FGF2: variants seen among roughly 807,000 people sequenced by gnomAD.
FGF2 encodes fibroblast growth factor 2.
FGF2 carries 13 observed loss-of-function variants against 15.9 expected under a neutral mutation model. The observed-to-expected ratio is 0.82, with a 90% CI of 0.53 to 1.30. The LOEUF (loss-of-function observed/expected upper bound fraction) is 1.30. Ranked by LOEUF, FGF2 falls within the 50% of genes most tolerant of loss-of-function variation. FGF2 has a pLI of 0.00. For synonymous variants in FGF2, 90 were observed against 78.4 expected (o/e 1.15, Z -0.78); for missense variants, 163 against 196.9 (o/e 0.83, Z 1.03).
rs1022966604 is a variant in FGF2, at chr4:122,892,464, G to C, written c.*68G>C. ...GTATATTTTAGAAATTTGTTAATGAGAGTAAAAGAAAATAAATGTGTATAG... is the reference window on the plus strand; with the variant it reads ...GTATATTTTAGAAATTTGTTAATGACAGTAAAAGAAAATAAATGTGTATAG... On this transcript the variant is annotated 3_prime_UTR_variant, in exon 3 of 3. Coordinates refer to ENST00000644866, the MANE Select transcript of FGF2 (RefSeq NM_001361665.2). The C allele has an allele frequency of 1.5e-5, 24 of 1,607,222 alleles. 1 individual carries two copies. Among genetic ancestry groups the C allele is most frequent in the Admixed American group, 5.0e-5 (3 of 59,536 alleles).
chr4:122,866,335 TC>T (rs1378881861), intron 1 of FGF2, among the ~76,000 whole-genome samples: 1 of 147,776 alleles, frequency 6.8e-6, no homozygotes, highest in Non-Finnish European at 1.5e-5. Flanking sequence ...GCCACTGCAC[TC>T]CCGCCTGGGT....
rs1178898359 is a variant in FGF2 at position 122,876,473 on chromosome 4, G to A, written c.282+49G>A. 3.6e-6 allele frequency: 4 copies of A among 1,109,562 alleles called. No homozygotes were observed. The South Asian group carries it at 5.0e-5, about 14-fold the overall frequency. The allele number at this position is 1,109,562 out of a possible 1,614,324, so 68.7% of individuals were successfully genotyped here. A position where few individuals can be genotyped will look rare whatever the true frequency, so the allele number is the denominator to read the frequency against. ...ACGTTTTTTGTTAGCTTTTATTGCT[G>A]TTAATTTACCAGCATTGTTGTTTAT... On this transcript the variant is annotated intron_variant, in intron 2 of 2. Transcript: ENST00000644866.
chr4:122,867,691 G>A (rs1726629550), intron 1 of FGF2, among the ~76,000 whole-genome samples: 1 of 152,132 alleles, frequency 6.6e-6, no homozygotes, highest in South Asian at 2.1e-4. Flanking sequence ...ATATTAGGAG[G>A]ATGAAGTCTT....
chr4:122,885,046 C>A (rs1727029737), intron 2 of FGF2, among the ~76,000 whole-genome samples: 1 of 152,152 alleles, frequency 6.6e-6, no homozygotes, highest in Non-Finnish European at 1.5e-5. Context: ...CTTCAGAGAT[C>A]CTCACAGATG....
intron 1 of FGF2, among the ~76,000 whole-genome samples, chr4:122,848,251 T>C (rs1283679279): frequency 1.1e-4 from 16 of 152,214 alleles, no homozygotes; most frequent in African/African-American, 3.4e-4. Flanking sequence ...AGTCTCCTTC[T>C]TCCATGGCTA....
chr4:122,877,544 C>G (rs1011676979), intron 2 of FGF2, among the ~76,000 whole-genome samples: 6 of 152,200 alleles, frequency 3.9e-5, no homozygotes, highest in Non-Finnish European at 5.9e-5. Flanking sequence ...GACTGCATAT[C>G]TGTTGAACAT....
At position 122,855,276 on chromosome 4, in the gene FGF2, T is replaced by A. The variant is rs376999418; in HGVS notation, c.179-21045T>A. Among the ~76,000 whole-genome samples, 34 of 152,234 alleles carry A rather than the reference T, an allele frequency of 2.2e-4. No homozygotes were observed. In the South Asian group the frequency reaches 5.4e-3, roughly 24 times the overall value. The stretch of plus-strand genomic sequence containing the variant: ...CCAAGAAAAGGCTATATTCAGGAGG[T>A]GTTCCATCTCTTGAGTATGTTGGAT... On this transcript the variant is annotated intron_variant, in intron 1 of 2. Transcript: ENST00000644866.
At chr4:122,834,154 T>C (rs1211501539) in intron 1 of FGF2, among the ~76,000 whole-genome samples, 3 of 152,160 alleles carry the variant, frequency 2.0e-5, no homozygotes, top group African/African-American at 7.2e-5. Context: ...ATCTCACAGA[T>C]TGATTCCCAA....
chr4:122,854,545 T>C (rs1726298694), intron 1 of FGF2, among the ~76,000 whole-genome samples: 2 of 152,232 alleles, frequency 1.3e-5, no homozygotes, highest in African/African-American at 4.8e-5. Flanking sequence ...TCCTGTTTTA[T>C]TCCTTTAAAT....
At chr4:122,836,730 A>C (rs148563970) in intron 1 of FGF2, among the ~76,000 whole-genome samples, 25 of 152,360 alleles carry the variant, frequency 1.6e-4, no homozygotes, top group African/African-American at 5.8e-4. Flanking sequence ...AAATAAGTAT[A>C]AATACTATAG....
At chr4:122,880,646 C>G (rs1191120781) in intron 2 of FGF2, among the ~76,000 whole-genome samples, 1 of 152,226 alleles carries the variant, frequency 6.6e-6, no homozygotes, top group Non-Finnish European at 1.5e-5. Context: ...TCATATTGAG[C>G]AGCTCTGCCC....
intron 1 of FGF2, among the ~76,000 whole-genome samples, chr4:122,858,903 CA>C (rs1403536989): frequency 6.6e-6 from 1 of 151,740 alleles, no homozygotes; most frequent in Non-Finnish European, 1.5e-5. Flanking sequence ...TTTTGGACAC[CA>C]AAACATAATT....
Position 122,827,054 on chromosome 4 carries a change from G to T in FGF2, c.-121G>T. 1 of 1,107,378 alleles carries T rather than the reference G, an allele frequency of 9.0e-7. No homozygotes were observed. The highest frequency in any genetic ancestry group is 1.1e-6 in the Non-Finnish European group (1 of 909,518). 68.6% of individuals were successfully genotyped at this position (1,107,378 alleles called of 1,614,324 possible). On this transcript the variant is annotated 5_prime_UTR_variant, in exon 1 of 3. Transcript: ENST00000644866. The surrounding 1 kb of genome is among the most constrained non-coding windows in gnomAD (Gnocchi z 4.2). ...GCCGCGCGCTGCCGGGCGGGAGGCT[G>T]GGGGGCCGGGGCCGGGGCCGTGCCC...
chr4:122,845,291 G>A (rs1726087453), intron 1 of FGF2, among the ~76,000 whole-genome samples: 1 of 152,220 alleles, frequency 6.6e-6, no homozygotes, highest in Admixed American at 6.5e-5. Flanking sequence ...GGCACAGGCA[G>A]AGTAGATTTA....
At chr4:122,869,405 G>A (rs918829746) in intron 1 of FGF2, among the ~76,000 whole-genome samples, 3 of 152,154 alleles carry the variant, frequency 2.0e-5, no homozygotes, top group African/African-American at 4.8e-5. Context: ...GAATAGCATT[G>A]AATCTATAAA....
intron 1 of FGF2, among the ~76,000 whole-genome samples, chr4:122,829,805 A>G (rs1353483606): frequency 1.3e-5 from 2 of 152,156 alleles, no homozygotes; most frequent in Non-Finnish European, 2.9e-5. Context: ...AAAATGACAA[A>G]TTTCATCTAT....
At chr4:122,868,247 C>G (rs1000102611) in intron 1 of FGF2, among the ~76,000 whole-genome samples, 3 of 151,918 alleles carry the variant, frequency 2.0e-5, no homozygotes, top group African/African-American at 7.3e-5. Flanking sequence ...ACCCATTGAC[C>G]CATCCTCTAA....
chr4:122,853,760 A>T (rs1285366372), intron 1 of FGF2, among the ~76,000 whole-genome samples: 1 of 152,200 alleles, frequency 6.6e-6, no homozygotes, highest in Non-Finnish European at 1.5e-5. Context: ...CTTGATACTC[A>T]ATGAGTGCTT....
At chr4:122,842,454 C>G (rs1290813293) in intron 1 of FGF2, among the ~76,000 whole-genome samples, 2 of 152,196 alleles carry the variant, frequency 1.3e-5, no homozygotes, top group South Asian at 4.2e-4. Flanking sequence ...TGGGAGAGAA[C>G]CAATTTGAAC....
Sources: allele counts gnomAD v4.1 joint callset (sites outside exome capture counted in the v4.1 genomes callset), GRCh38; gene constraint gnomAD v4.1.1; non-coding constraint Gnocchi (gnomAD v3.1); transcripts MANE v1.5; gene names NCBI Gene and HGNC (gene_info 2026-07-23, HGNC 2026-07-21).